CCDC149: variants seen among roughly 807,000 people sequenced by gnomAD.
CCDC149 encodes coiled-coil domain containing 149.
Under a neutral mutation model 59.9 loss-of-function variants are expected in CCDC149, and 45 were observed. The observed-to-expected ratio is 0.75, with a 90% CI of 0.59 to 0.96. The LOEUF (loss-of-function observed/expected upper bound fraction) is 0.96. CCDC149 is among the 40% of genes least tolerant of loss of function. CCDC149 has a pLI of 0.00. For synonymous variants in CCDC149, 245 were observed against 260.6 expected, an observed-to-expected ratio of 0.94 and a Z score of 0.58; for missense variants, 584 against 664.7, an observed-to-expected ratio of 0.88 and a Z score of 1.33.
At chr4:24,853,386 T>C in intron 3 of CCDC149, 1 of 548,644 alleles carries the variant, frequency 1.8e-6, no homozygotes. Context: ...TGAACCTCAA[T>C]TTGGAGATAT....
At chr4:24,912,316 A>G (rs1194715153) in intron 1 of CCDC149, among the ~76,000 whole-genome samples, 3 of 152,096 alleles carry the variant, frequency 2.0e-5, no homozygotes, top group Non-Finnish European at 4.4e-5. Context: ...GATTGAATTG[A>G]GCAAGTGAAT....
chr4:24,878,216 T>TAAA (rs66494953), intron 1 of CCDC149, among the ~76,000 whole-genome samples: 2,334 of 124,962 alleles, frequency 0.019, 73 homozygotes, highest in African/African-American at 0.067. Flanking sequence ...TTTTTTTTCC[T>TAAA]AAAAAAAAAA....
chr4:24,957,548 T>C (rs149567220), intron 1 of CCDC149, among the ~76,000 whole-genome samples: 77 of 152,310 alleles, frequency 5.1e-4, no homozygotes, highest in African/African-American at 1.6e-3. Context: ...CTATTTTCCA[T>C]GGAGCAATAA....
At chr4:24,841,551 C>T (rs566861667) in intron 4 of CCDC149, among the ~76,000 whole-genome samples, 1 of 152,302 alleles carries the variant, frequency 6.6e-6, no homozygotes, top group East Asian at 1.9e-4. Context: ...TTGGTAATAG[C>T]TGGATCATTA....
intron 1 of CCDC149, among the ~76,000 whole-genome samples, chr4:24,978,281 T>G (rs941010981): frequency 1.3e-5 from 2 of 152,232 alleles, no homozygotes; most frequent in East Asian, 3.8e-4. Context: ...CAGACTTGAT[T>G]TTTTTAAATA....
At chr4:24,855,228 C>G (rs1265762494) in intron 3 of CCDC149, among the ~76,000 whole-genome samples, 1 of 151,964 alleles carries the variant, frequency 6.6e-6, no homozygotes, top group African/African-American at 2.4e-5. Flanking sequence ...AAGAGTGTAC[C>G]AAGACTGAAA....
At chr4:24,900,519 G>A (rs545591954) in intron 1 of CCDC149, among the ~76,000 whole-genome samples, 1 of 152,306 alleles carries the variant, frequency 6.6e-6, no homozygotes, top group East Asian at 1.9e-4. Context: ...CTCAGGTCCT[G>A]CACTACCTGA....
chr4:24,943,439 G>A (rs1486267049), intron 1 of CCDC149, among the ~76,000 whole-genome samples: 7 of 151,890 alleles, frequency 4.6e-5, no homozygotes, highest in Non-Finnish European at 1.0e-4. Flanking sequence ...AGACTTAAAT[G>A]TTAGACCTAA....
intron 1 of CCDC149, among the ~76,000 whole-genome samples, chr4:24,889,660 C>T (rs1309238191): frequency 4.6e-5 from 7 of 152,242 alleles, no homozygotes; most frequent in South Asian, 2.1e-4. Context: ...TGGAATGTAA[C>T]GATAGATTCA....
chr4:24,856,642 C>T (rs1227363073), intron 3 of CCDC149, among the ~76,000 whole-genome samples: 2 of 152,196 alleles, frequency 1.3e-5, no homozygotes, highest in Admixed American at 1.3e-4. Context: ...CAGCTCAAGG[C>T]CACAAGAGCA....
chr4:24,816,300 C>T (rs1715012534), intron 12 of CCDC149, among the ~76,000 whole-genome samples: 1 of 152,056 alleles, frequency 6.6e-6, no homozygotes, highest in African/African-American at 2.4e-5. Flanking sequence ...TATTGTTGCC[C>T]AGGCTGGTCT....
intron 1 of CCDC149, among the ~76,000 whole-genome samples, chr4:24,964,123 G>C (rs908363625): frequency 1.3e-5 from 2 of 150,896 alleles, no homozygotes; most frequent in Non-Finnish European, 2.9e-5. Context: ...GAGCCCAGGA[G>C]GTGGAGGCTG....
At chr4:24,876,771 C>T (rs1333420495) in intron 1 of CCDC149, 74 bp from the exon 2 acceptor site, 1 of 1,429,556 alleles carries the variant, frequency 7.0e-7, no homozygotes, top group African/African-American at 1.4e-5. Context: ...CCGTACTTCA[C>T]ACACCCTGTG....
chr4:24,893,439 C>T (rs556596137), intron 1 of CCDC149, among the ~76,000 whole-genome samples: 1 of 152,150 alleles, frequency 6.6e-6, no homozygotes, highest in South Asian at 2.1e-4. Flanking sequence ...GGAAATTGGA[C>T]ACCCAATATT....
intron 12 of CCDC149, among the ~76,000 whole-genome samples, chr4:24,814,711 T>C (rs761398114): frequency 2.2e-4 from 34 of 152,180 alleles, no homozygotes; most frequent in Non-Finnish European, 3.7e-4. Context: ...TATACATCAT[T>C]GAAAGGCTGC....
At position 24,876,717 on chromosome 4, in the gene CCDC149, A is replaced by G. The variant is rs1311402604; in HGVS notation, c.64-20T>C. 4 of 1,591,732 alleles carry G rather than the reference A, an allele frequency of 2.5e-6. No individual in the cohort carries two copies. Among genetic ancestry groups the G allele is most frequent in the Non-Finnish European group, 2.6e-6 (3 of 1,168,210 alleles). ...CAGGTACTGCAAAGCAAACAAATCC[A>G]GGCAATGGGTCAAAAACATCCATGG... On this transcript the variant is annotated intron_variant, in intron 1 of 12. Coordinates refer to ENST00000635206, the MANE Select transcript of CCDC149 (RefSeq NM_001330643.2).
chr4:24,949,536 G>A (rs929885265), intron 1 of CCDC149, among the ~76,000 whole-genome samples: 2 of 152,158 alleles, frequency 1.3e-5, no homozygotes, highest in Non-Finnish European at 2.9e-5. Flanking sequence ...CACCAGTGGA[G>A]CACCTCTACT....
chr4:24,808,704 G>C lies in CCDC149; in HGVS notation c.1308C>G (p.Asn436Lys). 6.4e-7 allele frequency: 1 copy of C among 1,552,332 alleles called. No individual in the cohort carries two copies. Among genetic ancestry groups the C allele is most frequent in the Non-Finnish European group, 8.7e-7 (1 of 1,147,144 alleles). The change falls in exon 13 of 13, where the codon AAC becomes AAG. Residue 436 changes from asparagine (N) to lysine (K), a missense_variant. Physicochemically the swap from Asn to Lys is moderately conservative, Grantham distance 94. Transcript: ENST00000635206. ...ATGAAGGATGAAAGAGCTTGCATTG[G>C]TTCCCGCGGCTCTGATTTGCTGGGG...
chr4:24,900,057 T>C (rs1384038500), intron 1 of CCDC149, among the ~76,000 whole-genome samples: 1 of 152,152 alleles, frequency 6.6e-6, no homozygotes, highest in Non-Finnish European at 1.5e-5. Context: ...AGAACCCTCC[T>C]CAATCCTCCA....
Sources: gnomAD v4.1 joint callset for allele counts (sites outside exome capture counted in the v4.1 genomes callset) on GRCh38, gnomAD v4.1.1 for gene constraint, MANE v1.5 for transcripts, NCBI Gene and HGNC (gene_info 2026-07-23, HGNC 2026-07-21) for gene names.